ABCG2: variants seen among roughly 807,000 people sequenced by gnomAD.
ABCG2 encodes ATP binding cassette subfamily G member 2 (JR blood group).
Under a neutral mutation model 73.5 loss-of-function variants are expected in ABCG2, and 80 were observed. The ratio of observed to expected loss-of-function variants is 1.09; its 90% CI spans 0.91 to 1.31. ABCG2 has a LOEUF of 1.31. Ranked by LOEUF, ABCG2 falls within the 50% of genes most tolerant of loss-of-function variation. The probability of loss-of-function intolerance (pLI) is 0.00; values close to 1 mark genes in which losing one functional copy is unlikely to be tolerated. For missense variants in ABCG2, 796 were observed against 786.2 expected, an observed-to-expected ratio of 1.01 and a Z score of -0.15; for synonymous variants, 269 against 282.4, an observed-to-expected ratio of 0.95 and a Z score of 0.48.
At chr4:88,138,891 C>G (rs1195156900) in intron 2 of ABCG2, among the ~76,000 whole-genome samples, 1 of 152,104 alleles carries the variant, frequency 6.6e-6, no homozygotes, top group Non-Finnish European at 1.5e-5. Context: ...GGCTCACACC[C>G]CAGTGCTTTG....
chr4:88,096,345 G>A (rs1205918745), intron 13 of ABCG2, among the ~76,000 whole-genome samples: 2 of 152,154 alleles, frequency 1.3e-5, no homozygotes, highest in Non-Finnish European at 2.9e-5. Flanking sequence ...TATATATTCA[G>A]ACTTGACCTG....
In ABCG2 at chr4:88,099,367, C is replaced by T; in HGVS notation, c.1449G>A (p.Met483Ile). The stretch of plus-strand genomic sequence containing the variant: ...TACAGGTAAATATAATACTTGGTAA[C>T]ATCCTCATGGGTAATAAATCAGATA... ...KLLSDLLPMR[M>I]LPSIIFTCIV... The change falls in exon 12 of 16, where the codon ATG becomes ATA. Residue 483 changes from methionine to isoleucine, a missense_variant. Coordinates refer to ENST00000237612, the MANE Select transcript of ABCG2 (RefSeq NM_004827.3). 1.9e-6 allele frequency: 3 copies of T among 1,611,846 alleles called. No homozygotes were observed. The highest frequency in any genetic ancestry group is 2.5e-6 in the Non-Finnish European group (3 of 1,178,848).
rs1728758741 is a variant in ABCG2 at position 88,192,978 on chromosome 4, G to T, written c.-20+38016C>A. ...TCCACCCGCCTCAGCCTCCCAAAGT[G>T]CTGGGATTACAGGCGTGAGCCACCG... is the stretch of plus-strand genomic sequence containing the variant. On this transcript the variant is annotated intron_variant, in intron 1 of 15. Coordinates refer to the ABCG2 transcript ENST00000515655. 2.6e-5 allele frequency among the ~76,000 whole-genome samples: 4 copies of T among 152,284 alleles called. No individual in the cohort carries two copies. In the South Asian group the frequency reaches 8.3e-4, roughly 32 times the overall value.
rs1374765124 is a variant in ABCG2, at chr4:88,095,581, G to A, written c.1676C>T (p.Thr559Ile). Reference protein sequence around the residue: ...MIFSGLLVNLTTIASWLSWLQ... With the variant: ...MIFSGLLVNLITIASWLSWLQ... ...CCATGACAGCCAAGATGCAATGGTTGTGAGATTGACCAACAGACCTGAAAA... is the reference window on the plus strand; with the variant it reads ...CCATGACAGCCAAGATGCAATGGTTATGAGATTGACCAACAGACCTGAAAA... Residue 559 changes from threonine to isoleucine, a missense_variant, in exon 14 of 16, where the codon ACA becomes ATA. Physicochemically the swap from Thr to Ile is moderately conservative, Grantham distance 89. Coordinates refer to ENST00000237612, the MANE Select transcript of ABCG2 (RefSeq NM_004827.3). 1.2e-6 allele frequency: 2 copies of A among 1,613,672 alleles called. No individual in the cohort carries two copies. The highest frequency in any genetic ancestry group is 1.7e-6 in the Non-Finnish European group (2 of 1,179,724).
At chr4:88,106,834 G>C (rs1304152345) in intron 10 of ABCG2, among the ~76,000 whole-genome samples, 1 of 152,198 alleles carries the variant, frequency 6.6e-6, no homozygotes, top group Non-Finnish European at 1.5e-5. Context: ...CTGAGGTCAG[G>C]AGTTCGAAGC....
chr4:88,139,910 T>C lies in ABCG2; in HGVS notation c.86A>G (p.Lys29Arg), dbSNP rs1196892045. The C allele has an allele frequency of 2.0e-5, 33 of 1,614,038 alleles. No homozygotes were observed. The highest frequency in any genetic ancestry group is 2.6e-5 in the Non-Finnish European group (31 of 1,180,038). ...TAACACAGCTCCTTCAGTAAATGCC[T>C]TCAGGTCATTGGAAGCTGTCGCGGG... ...GFPATASNDL[K>R]AFTEGAVLSF... Residue 29 changes from lysine (K) to arginine (R), a missense_variant, in exon 2 of 16, where the codon AAG becomes AGG. Coordinates refer to ENST00000237612, the MANE Select transcript of ABCG2 (RefSeq NM_004827.3).
intron 1 of ABCG2, among the ~76,000 whole-genome samples, chr4:88,153,962 C>A (rs1169039966): frequency 2.0e-5 from 3 of 152,146 alleles, no homozygotes; most frequent in Non-Finnish European, 4.4e-5. Flanking sequence ...TTCTAAGAGG[C>A]AGGCTAGCGG....
intron 1 of ABCG2, among the ~76,000 whole-genome samples, chr4:88,166,701 G>A (rs1366530338): frequency 1.3e-5 from 2 of 152,184 alleles, no homozygotes; most frequent in Non-Finnish European, 2.9e-5. Context: ...AAGGTAAAGG[G>A]TTAGATAAAT....
chr4:88,189,245 G>C (rs1412701648), intron 1 of ABCG2, among the ~76,000 whole-genome samples: 1 of 152,052 alleles, frequency 6.6e-6, no homozygotes. Flanking sequence ...CATTGCTAGA[G>C]TATAAAATGC....
Position 88,153,963 on chromosome 4 carries a change from A to G in ABCG2, c.-20+4423T>C, listed in dbSNP as rs574604149. Among the ~76,000 whole-genome samples, 3 of 152,322 alleles carry G rather than the reference A, an allele frequency of 2.0e-5. No individual in the cohort carries two copies. In the East Asian group the frequency reaches 5.8e-4, roughly 29 times the overall value. The stretch of plus-strand genomic sequence containing the variant: ...ATGGAAAGGAAATGTTCTAAGAGGC[A>G]GGCTAGCGGCTTGTAACCTACATGG... On this transcript the variant is annotated intron_variant, in intron 1 of 15. Coordinates refer to ENST00000237612, the MANE Select transcript of ABCG2 (RefSeq NM_004827.3).
chr4:88,221,520 C>T (rs1730011445), intron 1 of ABCG2, among the ~76,000 whole-genome samples: 1 of 152,106 alleles, frequency 6.6e-6, no homozygotes, highest in East Asian at 1.9e-4. Flanking sequence ...GCTTAGAAGA[C>T]AGGAGGATGT....
chr4:88,119,836 G>C (rs1292615546), intron 6 of ABCG2, among the ~76,000 whole-genome samples: 2 of 152,184 alleles, frequency 1.3e-5, no homozygotes, highest in Non-Finnish European at 2.9e-5. Context: ...GAGCATACAA[G>C]CTCAGAAAAT....
intron 1 of ABCG2, among the ~76,000 whole-genome samples, chr4:88,147,914 C>G (rs953862093): frequency 6.6e-6 from 1 of 152,200 alleles, no homozygotes; most frequent in African/African-American, 2.4e-5. Context: ...TTCACAAAAA[C>G]TACAATTATC....
At chr4:88,205,805 CCA>C (rs1729352846) in intron 1 of ABCG2, among the ~76,000 whole-genome samples, 1 of 152,184 alleles carries the variant, frequency 6.6e-6, no homozygotes, top group African/African-American at 2.4e-5. Flanking sequence ...GCATCAACCC[CCA>C]GAGTAGCTGG....
intron 1 of ABCG2, among the ~76,000 whole-genome samples, chr4:88,175,534 C>T (rs1727927266): frequency 7.4e-6 from 1 of 135,566 alleles, no homozygotes; most frequent in African/African-American, 3.3e-5. Flanking sequence ...AGATTCTTTT[C>T]CTTTGTTTTC....
upstream of ABCG2, chr4:88,159,134 C>T (rs1409126258): frequency 4.4e-6 from 2 of 456,150 alleles, no homozygotes; most frequent in South Asian, 1.5e-5. Flanking sequence ...CTCCCGCCTC[C>T]GGGATCGAAC....
In ABCG2 at chr4:88,134,168, T is replaced by G. The variant is rs1417382110; in HGVS notation, c.204-1533A>C. On this transcript the variant is annotated intron_variant, in intron 2 of 15. Transcript: ENST00000237612. ...CAAATGGAAGGTCAAAGCCAAAGAC[T>G]ATTTCATTCTCAAATAATGATTAGC... Among the ~76,000 whole-genome samples, 3 of 152,180 alleles carry G rather than the reference T, an allele frequency of 2.0e-5. No individual in the cohort carries two copies. The South Asian group carries it at 6.2e-4, about 32-fold the overall frequency.
intron 8 of ABCG2, among the ~76,000 whole-genome samples, chr4:88,114,173 T>C (rs1215188470): frequency 2.0e-5 from 3 of 152,026 alleles, no homozygotes; most frequent in Non-Finnish European, 4.4e-5. Context: ...AATTAAAATG[T>C]ATATTTAAAA....
chr4:88,097,487 G>A lies in ABCG2; in HGVS notation c.1613C>T (p.Thr538Ile), dbSNP rs754028833. The A allele has an allele frequency of 1.9e-5, 30 of 1,614,032 alleles. No individual in the cohort carries two copies. Among genetic ancestry groups the A allele is most frequent in the Non-Finnish European group, 2.5e-5 (29 of 1,180,000 alleles). Residue 538 changes from threonine to isoleucine, a missense_variant, in exon 13 of 16, where the codon ACA (threonine) becomes ATA (isoleucine). By Grantham distance (89) the Thr-to-Ile change is moderately conservative. Coordinates refer to ENST00000237612, the MANE Select transcript of ABCG2 (RefSeq NM_004827.3). ...CACAAAACAGATGGTCATGAGAAGT[G>A]TTGCTACAGAAACCACACTCTGACC... The part of the protein sequence containing the change: ...AAGQSVVSVA[T>I]LLMTICFVFM...
Sources: gnomAD v4.1 joint callset for allele counts (sites outside exome capture counted in the v4.1 genomes callset) on GRCh38, gnomAD v4.1.1 for gene constraint, MANE v1.5 for transcripts, NCBI Gene and HGNC (gene_info 2026-07-23, HGNC 2026-07-21) for gene names.